Variants in TSHR observed in about 807,000 individuals in gnomAD.
TSHR encodes the protein thyrotropin receptor.
In TSHR, 51 loss-of-function variants were observed where a neutral mutation model predicts 64.1. The observed-to-expected ratio is 0.80, with a 90% CI of 0.64 to 1.01. The LOEUF (loss-of-function observed/expected upper bound fraction) is 1.01. Among genes scored for constraint, TSHR ranks in the 50% least tolerant of loss-of-function variants. The pLI is 0.00. For synonymous variants in TSHR, 361 were observed against 361.9 expected, an observed-to-expected ratio of 1.00 and a Z score of 0.03; for missense variants, 877 against 942.8, an observed-to-expected ratio of 0.93 and a Z score of 0.91.
chr14:81,124,637 A>G (rs1890943205), intron 8 of TSHR, among the ~76,000 whole-genome samples: 1 of 152,168 alleles, frequency 6.6e-6, no homozygotes, highest in Non-Finnish European at 1.5e-5. Flanking sequence ...CTGTTTTCCA[A>G]AAGGGTTGTC....
Position 81,144,259 on chromosome 14 carries a change from A to C in TSHR, c.2201A>C (p.Asn734Thr), listed in dbSNP as rs1891843907. The change falls in exon 10 of 10, where the codon AAC (asparagine) becomes ACC (threonine). Residue 734 changes from asparagine (N) to threonine (T), a missense_variant. By Grantham distance (65) the Asn-to-Thr change is moderately conservative. Transcript: ENST00000298171. ...CACGAGATGAGGCAGGGTCTCCACA[A>C]CATGGAAGATGTCTATGAACTGATT... ...VTHEMRQGLHNMEDVYELIEN... is the reference protein window; with the variant it reads ...VTHEMRQGLHTMEDVYELIEN... 6.2e-7 allele frequency: 1 copy of C among 1,613,924 alleles called. No homozygotes were observed.
intron 7 of TSHR, chr14:81,104,685 G>A (rs962787508): frequency 1.3e-5 from 13 of 985,334 alleles, no homozygotes; most frequent in East Asian, 1.1e-4. Context: ...TTTGTCAATC[G>A]AATATTTTCC....
chr14:81,118,680 A>T (rs923792586), intron 8 of TSHR, among the ~76,000 whole-genome samples: 1 of 152,160 alleles, frequency 6.6e-6, no homozygotes, highest in African/African-American at 2.4e-5. Flanking sequence ...AAAACTACTT[A>T]AAAGTTCATA....
intron 1 of TSHR, among the ~76,000 whole-genome samples, chr14:81,027,349 G>A (rs10134630): frequency 0.06 from 9,159 of 152,002 alleles, 931 homozygotes; most frequent in African/African-American, 0.21. Flanking sequence ...ATTTGAATCT[G>A]TAGAATTAAA....
chr14:81,107,278 A>C (rs1889957112), intron 7 of TSHR: 1 of 152,164 alleles, frequency 6.6e-6, no homozygotes, highest in Non-Finnish European at 1.5e-5. Context: ...TAAGTAGAAT[A>C]ATGGAAGCAT....
intron 1 of TSHR, among the ~76,000 whole-genome samples, chr14:80,972,898 C>T (rs1417605586): frequency 6.6e-6 from 1 of 152,128 alleles, no homozygotes; most frequent in Admixed American, 6.5e-5. Context: ...TTTCACTTAG[C>T]ATAATGCTTT....
intron 1 of TSHR, among the ~76,000 whole-genome samples, chr14:81,018,228 T>C (rs1883532602): frequency 6.6e-6 from 1 of 152,194 alleles, no homozygotes. Context: ...GCCCAATAAA[T>C]GTTCTTTAAA....
chr14:80,992,423 TAGTG>T (rs1888790833), intron 1 of TSHR: 1 of 119,188 alleles, frequency 8.4e-6, no homozygotes. Context: ...AAAAATAAGC[TAGTG>T]AGTGACTATT....
chr14:81,035,700 G>A (rs1884587442), intron 1 of TSHR, among the ~76,000 whole-genome samples: 1 of 152,050 alleles, frequency 6.6e-6, no homozygotes, highest in Non-Finnish European at 1.5e-5. Context: ...AGAGGAAATG[G>A]GTAATGCTTG....
chr14:81,108,493 T>C (rs1033477079), intron 8 of TSHR, 41 bp downstream of exon 8: 9 of 1,593,732 alleles, frequency 5.6e-6, no homozygotes, highest in Non-Finnish European at 7.7e-6. Flanking sequence ...TCTTTTTTTT[T>C]CTTTTTTTTT....
intron 1 of TSHR, among the ~76,000 whole-genome samples, chr14:80,960,411 G>T (rs528050666): frequency 6.6e-6 from 1 of 152,270 alleles, no homozygotes; most frequent in Non-Finnish European, 1.5e-5. Flanking sequence ...ACATATAAAG[G>T]TGACTTCATT....
At chr14:80,989,632 C>T (rs748605666) in intron 1 of TSHR, among the ~76,000 whole-genome samples, 1 of 152,116 alleles carries the variant, frequency 6.6e-6, no homozygotes, top group African/African-American at 2.4e-5. Context: ...GATCAAATGC[C>T]TTATTCTTCC....
rs749106928 is a variant in TSHR, at chr14:81,145,758, T to C, written c.*1405T>C. On this transcript the variant is annotated 3_prime_UTR_variant, in exon 10 of 10. Transcript: ENST00000298171. ...ACATAAAGCTTCTTTTCCCCAATAA[T>C]TCTTCTTTACTTAAAATAGTCAGGA... 1.3e-5 allele frequency: 3 copies of C among 232,964 alleles called. No homozygotes were observed. The highest frequency in any genetic ancestry group is 1.7e-5 in the Non-Finnish European group (2 of 117,924). The allele number at this position is 232,964 out of a possible 1,614,324, so 14.4% of individuals were successfully genotyped here.
intron 1 of TSHR, among the ~76,000 whole-genome samples, chr14:80,997,666 T>C (rs1353074878): frequency 6.6e-6 from 1 of 152,220 alleles, no homozygotes; most frequent in East Asian, 1.9e-4. Context: ...AACCTCACGG[T>C]ATTCACAAAG....
At chr14:80,963,652 T>C (rs1039045943) in intron 1 of TSHR, among the ~76,000 whole-genome samples, 3 of 152,226 alleles carry the variant, frequency 2.0e-5, no homozygotes, top group Non-Finnish European at 4.4e-5. Context: ...GGGCAGATCT[T>C]AGCAAGTCTT....
At chr14:81,038,167 G>C (rs1200309353) in intron 1 of TSHR, among the ~76,000 whole-genome samples, 1 of 152,020 alleles carries the variant, frequency 6.6e-6, no homozygotes, top group Non-Finnish European at 1.5e-5. Flanking sequence ...ATTAGAAACT[G>C]ATAAGAGGAA....
At chr14:81,056,904 C>T (rs549919485) in intron 1 of TSHR, among the ~76,000 whole-genome samples, 2 of 152,258 alleles carry the variant, frequency 1.3e-5, no homozygotes, top group South Asian at 4.1e-4. Context: ...CTAAAATTTA[C>T]TATACCACCC....
At chr14:81,015,518 A>G (rs1219803381) in intron 1 of TSHR, among the ~76,000 whole-genome samples, 1 of 152,170 alleles carries the variant, frequency 6.6e-6, no homozygotes, top group Non-Finnish European at 1.5e-5. Flanking sequence ...TGAAAAATAA[A>G]TATATGTATT....
chr14:81,013,218 T>C (rs1236197056), intron 1 of TSHR: 1 of 152,232 alleles, frequency 6.6e-6, no homozygotes, highest in African/African-American at 2.4e-5. Context: ...TCATTGCTTG[T>C]TTTTCTCAGG....
Sources: gnomAD v4.1 joint callset for allele counts (sites outside exome capture counted in the v4.1 genomes callset) on GRCh38, gnomAD v4.1.1 for gene constraint, MANE v1.5 for transcripts, NCBI Gene and HGNC (gene_info 2026-07-23, HGNC 2026-07-21) for gene names.